Variants in TULP4 observed in about 807,000 individuals in gnomAD.
The protein encoded by TULP4 is TUB like protein 4.
In TULP4, 16 loss-of-function variants were observed where a neutral mutation model predicts 129.0. That is an observed-to-expected ratio of 0.12 (90% confidence interval 0.08 to 0.19). The LOEUF is 0.19. TULP4 is among the 10% of genes least tolerant of loss of function. TULP4 has a pLI of 1.00. For missense variants in TULP4, 1,842 were observed against 2,059.1 expected, an observed-to-expected ratio of 0.89 and a Z score of 2.04; for synonymous variants, 998 against 854.0, an observed-to-expected ratio of 1.17 and a Z score of -2.94.
chr6:158,397,060 G>A (rs1294688433), intron 1 of TULP4, among the ~76,000 whole-genome samples: 1 of 152,202 alleles, frequency 6.6e-6, no homozygotes. Context: ...TGAATTTTAG[G>A]CAGAAACAGA....
At chr6:158,333,631 A>T (rs956667362) in intron 1 of TULP4, among the ~76,000 whole-genome samples, 8 of 151,890 alleles carry the variant, frequency 5.3e-5, no homozygotes, top group African/African-American at 9.7e-5. Context: ...TTATTCTCAG[A>T]TTTTCAATAA....
chr6:158,246,265 G>A (rs1778030054), intron 1 of TULP4, among the ~76,000 whole-genome samples: 1 of 152,062 alleles, frequency 6.6e-6, no homozygotes, highest in Admixed American at 6.6e-5. Context: ...ACTTTGGGAG[G>A]CTGAGGTGGG....
At chr6:158,468,822 C>T (rs1038478424) in intron 6 of TULP4, among the ~76,000 whole-genome samples, 2 of 152,160 alleles carry the variant, frequency 1.3e-5, no homozygotes, top group Non-Finnish European at 2.9e-5. Flanking sequence ...GCGCCTTGTG[C>T]CTGTGTCCTC....
At chr6:158,367,063 A>C (rs981159872) in intron 1 of TULP4, among the ~76,000 whole-genome samples, 1 of 152,126 alleles carries the variant, frequency 6.6e-6, no homozygotes, top group Non-Finnish European at 1.5e-5. Context: ...ATTGAAAAAA[A>C]AAAATCTGAA....
intron 11 of TULP4, among the ~76,000 whole-genome samples, chr6:158,495,312 CA>C (rs1160388780): frequency 6.6e-6 from 1 of 152,188 alleles, no homozygotes. Context: ...CTCAACCTTC[CA>C]AAGTGCTGGG....
Position 158,502,790 on chromosome 6 carries a change from A to T in TULP4, c.3127A>T (p.Thr1043Ser), listed in dbSNP as rs1378514369. 6.2e-7 allele frequency: 1 copy of T among 1,609,712 alleles called. No homozygotes were observed. The highest frequency in any genetic ancestry group is 8.5e-7 in the Non-Finnish European group (1 of 1,179,562). Reference sequence around the variant, plus strand: ...GTACACCTGCAGTCAGTGCAGTGGCACAGGGCCCAGCTCACAGCCCGGAGC... The same window carrying T: ...GTACACCTGCAGTCAGTGCAGTGGCTCAGGGCCCAGCTCACAGCCCGGAGC... ...ALYTCSQCSG[T>S]GPSSQPGASL... Residue 1043 changes from threonine (T) to serine (S), a missense_variant, in exon 13 of 14, where the codon ACA becomes TCA. Thr to Ser is a moderately conservative substitution (Grantham distance 58, BLOSUM62 1). Transcript: ENST00000367097.
intron 1 of TULP4, among the ~76,000 whole-genome samples, chr6:158,342,241 A>C (rs1046930287): frequency 4.9e-4 from 74 of 152,160 alleles, no homozygotes; most frequent in Non-Finnish European, 1.8e-4. Context: ...TTATTTGTCC[A>C]CTTTTGCTTT....
intron 1 of TULP4, among the ~76,000 whole-genome samples, chr6:158,380,723 G>C (rs554240968): frequency 1.3e-5 from 2 of 151,416 alleles, no homozygotes; most frequent in Admixed American, 1.3e-4. Context: ...GTGAAACCCT[G>C]CCTCTACTAA....
chr6:158,264,251 G>T (rs1778406804), intron 1 of TULP4, among the ~76,000 whole-genome samples: 1 of 152,158 alleles, frequency 6.6e-6, no homozygotes, highest in Admixed American at 6.5e-5. Context: ...GGTTTTTACG[G>T]GCTCTGAGGT....
chr6:158,248,486 A>G (rs549216522), intron 1 of TULP4, among the ~76,000 whole-genome samples: 114 of 152,106 alleles, frequency 7.5e-4, no homozygotes, highest in African/African-American at 2.7e-3. Context: ...AGCCAGGATG[A>G]TCTCGACCTC....
intron 1 of TULP4, among the ~76,000 whole-genome samples, chr6:158,272,982 T>C (rs1190265423): frequency 6.6e-6 from 1 of 152,206 alleles, no homozygotes; most frequent in Non-Finnish European, 1.5e-5. Context: ...TCTGGTCCGA[T>C]CTTGTCATTT....
chr6:158,437,428 G>C (rs1451644251), intron 3 of TULP4, among the ~76,000 whole-genome samples: 1 of 152,148 alleles, frequency 6.6e-6, no homozygotes, highest in African/African-American at 2.4e-5. Context: ...AGGTGCAGTG[G>C]CACATTCCAG....
intron 1 of TULP4, among the ~76,000 whole-genome samples, chr6:158,289,820 G>C (rs571124944): frequency 5.7e-4 from 87 of 151,534 alleles, no homozygotes; most frequent in African/African-American, 2.0e-3. Context: ...GGTTCAAGCA[G>C]TCCTCCCACC....
At chr6:158,301,849 A>G (rs369670730) in intron 1 of TULP4, among the ~76,000 whole-genome samples, 6 of 148,740 alleles carry the variant, frequency 4.0e-5, no homozygotes, top group Non-Finnish European at 8.9e-5. Context: ...AACAAGTTAG[A>G]TGGCGCGTAT....
intron 1 of TULP4, among the ~76,000 whole-genome samples, chr6:158,363,062 C>CAAAAAAAAAAAAAAAAAA (rs11373437): frequency 1.1e-5 from 1 of 88,000 alleles, no homozygotes; most frequent in Non-Finnish European, 2.1e-5. Flanking sequence ...GACTCCATCT[C>CAAAAAAAAAAAAAAAAAA]AAAAAAAAAA....
intron 6 of TULP4, 22 bp from the exon 7 acceptor site, chr6:158,479,729 T>C (rs758717097): frequency 1.2e-6 from 2 of 1,607,210 alleles, no homozygotes; most frequent in African/African-American, 1.3e-5. Flanking sequence ...TTAAGCATTG[T>C]CTTCCCTTCA....
At chr6:158,325,355 C>CTTG in intron 1 of TULP4, among the ~76,000 whole-genome samples, 1 of 139,490 alleles carries the variant, frequency 7.2e-6, no homozygotes, top group East Asian at 2.1e-4. Context: ...AACAGCTTTT[C>CTTG]TTTTTTTTTT....
chr6:158,449,571 A>G (rs1779124174), intron 4 of TULP4, among the ~76,000 whole-genome samples: 1 of 152,122 alleles, frequency 6.6e-6, no homozygotes, highest in Admixed American at 6.5e-5. Flanking sequence ...CAAATCCCCA[A>G]TGTTATTAAA....
intron 3 of TULP4, among the ~76,000 whole-genome samples, chr6:158,442,815 G>T (rs200987119): frequency 0.059 from 8,606 of 145,586 alleles, 318 homozygotes; most frequent in Non-Finnish European, 0.087. Context: ...TAAATGGTTG[G>T]TTTTTTTTTT....
Sources: gnomAD v4.1 joint callset for allele counts (sites outside exome capture counted in the v4.1 genomes callset) on GRCh38, gnomAD v4.1.1 for gene constraint, MANE v1.5 for transcripts, NCBI Gene and HGNC (gene_info 2026-07-23, HGNC 2026-07-21) for gene names.